The following SEMA5A variants were observed in gnomAD, a reference collection of about 807,000 sequenced individuals.
SEMA5A encodes semaphorin-5A.
In SEMA5A, 55 loss-of-function variants were observed where a neutral mutation model predicts 135.5. The ratio of observed to expected loss-of-function variants is 0.41; its 90% CI spans 0.33 to 0.51. SEMA5A has a LOEUF of 0.51. Among genes scored for constraint, SEMA5A ranks in the 20% least tolerant of loss-of-function variants. The probability of loss-of-function intolerance (pLI) is 0.37; values close to 1 mark genes in which losing one functional copy is unlikely to be tolerated. For synonymous variants in SEMA5A, 580 were observed against 546.5 expected, an observed-to-expected ratio of 1.06 and a Z score of -0.85; for missense variants, 1,290 against 1,419.9, an observed-to-expected ratio of 0.91 and a Z score of 1.47.
In SEMA5A at chr5:9,344,188, A is replaced by C. The variant is rs145417059; in HGVS notation, c.125-6376T>G. ...TATGAGATACTTTTACATATTAACT[A>C]TTTTTATGTTTATAATCTTGTGAAG... On this transcript the variant is annotated intron_variant, in intron 3 of 22. Transcript: ENST00000382496. 7.6e-4 allele frequency among the ~76,000 whole-genome samples: 115 copies of C among 152,312 alleles called. 1 individual carries two copies. The East Asian group carries it at 0.02, about 27-fold the overall frequency.
chr5:9,478,899 T>C (rs1006668976), intron 1 of SEMA5A, among the ~76,000 whole-genome samples: 3 of 152,156 alleles, frequency 2.0e-5, no homozygotes, highest in Admixed American at 1.3e-4. Flanking sequence ...ATGATATGGC[T>C]TGGCTCTGTG....
At chr5:9,080,650 A>T (rs987277278) in intron 16 of SEMA5A, among the ~76,000 whole-genome samples, 2 of 152,206 alleles carry the variant, frequency 1.3e-5, no homozygotes, top group African/African-American at 2.4e-5. Flanking sequence ...AGGGGTAACG[A>T]TGTAGTTTGC....
At chr5:9,071,899 C>T (rs189598432) in intron 16 of SEMA5A, among the ~76,000 whole-genome samples, 65 of 152,278 alleles carry the variant, frequency 4.3e-4, no homozygotes, top group Admixed American at 5.9e-4. Context: ...TTGAATTGTG[C>T]TTGCAAAGAG....
chr5:9,371,769 C>T lies in SEMA5A; in HGVS notation c.124+8054G>A, dbSNP rs186430294. 3.3e-5 allele frequency among the ~76,000 whole-genome samples: 5 copies of T among 152,250 alleles called. No individual in the cohort carries two copies. The East Asian group carries it at 5.8e-4, about 18-fold the overall frequency. The stretch of plus-strand genomic sequence containing the variant: ...GGATATTTAAGGATCCATAACAGCA[C>T]GTTTCCTCCCCAAGTAAACTCTTAA... On this transcript the variant is annotated intron_variant, in intron 3 of 22. Coordinates refer to ENST00000382496, the MANE Select transcript of SEMA5A (RefSeq NM_003966.3).
At chr5:9,110,472 C>T (rs3777246) in intron 15 of SEMA5A, among the ~76,000 whole-genome samples, 17,681 of 152,168 alleles carry the variant, frequency 0.12, 1,586 homozygotes, top group East Asian at 0.32. Context: ...ACCTAGAAAA[C>T]GGCGATGGTG....
At chr5:9,086,097 C>T (rs886925116) in intron 16 of SEMA5A, among the ~76,000 whole-genome samples, 3 of 152,182 alleles carry the variant, frequency 2.0e-5, no homozygotes, top group Admixed American at 6.6e-5. Flanking sequence ...ATCTAGGAAG[C>T]AACTAATTTC....
At chr5:9,246,357 C>T (rs1017788971) in intron 5 of SEMA5A, among the ~76,000 whole-genome samples, 1 of 152,134 alleles carries the variant, frequency 6.6e-6, no homozygotes, top group African/African-American at 2.4e-5. Flanking sequence ...ATTGAATTCC[C>T]AAGGACTGGC....
chr5:9,421,867 C>A (rs1219078910), intron 2 of SEMA5A, among the ~76,000 whole-genome samples: 1 of 152,148 alleles, frequency 6.6e-6, no homozygotes, highest in Admixed American at 6.5e-5. Flanking sequence ...GAATTTTTCT[C>A]ATCAATTTGT....
chr5:9,485,565 C>T (rs1325590374), intron 1 of SEMA5A, among the ~76,000 whole-genome samples: 2 of 152,182 alleles, frequency 1.3e-5, no homozygotes, highest in Non-Finnish European at 2.9e-5. Flanking sequence ...TGCTGCTCCA[C>T]CCTGTGTCAA....
At chr5:9,483,517 A>G (rs1450016186) in intron 1 of SEMA5A, among the ~76,000 whole-genome samples, 1 of 152,234 alleles carries the variant, frequency 6.6e-6, no homozygotes, top group Admixed American at 6.5e-5. Context: ...GGTACTATGC[A>G]TTAGGCATAT....
chr5:9,203,380 CT>C (rs1745828536), intron 8 of SEMA5A, among the ~76,000 whole-genome samples: 1 of 152,160 alleles, frequency 6.6e-6, no homozygotes, highest in Admixed American at 6.5e-5. Flanking sequence ...GGCCTTGTAC[CT>C]TTCCAGATAC....
chr5:9,378,486 G>T (rs1050355769), intron 3 of SEMA5A, among the ~76,000 whole-genome samples: 6 of 152,148 alleles, frequency 3.9e-5, no homozygotes, highest in African/African-American at 1.4e-4. Flanking sequence ...CCATGACACG[G>T]TCAAGACAAA....
chr5:9,205,305 T>C (rs1015658555), intron 8 of SEMA5A, among the ~76,000 whole-genome samples: 2 of 151,994 alleles, frequency 1.3e-5, no homozygotes, highest in African/African-American at 4.8e-5. Context: ...ACAGTTATCA[T>C]GGAAGTCAGG....
chr5:9,064,105 T>A (rs539007919), intron 17 of SEMA5A, among the ~76,000 whole-genome samples: 13 of 152,324 alleles, frequency 8.5e-5, no homozygotes, highest in African/African-American at 3.1e-4. Flanking sequence ...AGAAAATCTG[T>A]TTCTGAAAGG....
intron 5 of SEMA5A, among the ~76,000 whole-genome samples, chr5:9,299,107 C>G (rs1025696881): frequency 8.9e-6 from 1 of 112,510 alleles, no homozygotes; most frequent in Non-Finnish European, 1.9e-5. Context: ...TGATGGTGGG[C>G]ATCACTGTTC....
intron 18 of SEMA5A, among the ~76,000 whole-genome samples, chr5:9,058,747 C>T (rs1737026810): frequency 6.6e-6 from 1 of 152,178 alleles, no homozygotes; most frequent in South Asian, 2.1e-4. Context: ...ATGTGAAGCC[C>T]TTCACTCACA....
chr5:9,542,160 G>A (rs461337), intron 1 of SEMA5A, among the ~76,000 whole-genome samples: 13,377 of 152,030 alleles, frequency 0.088, 939 homozygotes, highest in African/African-American at 0.19. Context: ...TATTTACCAA[G>A]CGTACCCATA....
intron 11 of SEMA5A, among the ~76,000 whole-genome samples, chr5:9,167,713 G>C (rs1743690097): frequency 6.6e-6 from 1 of 152,182 alleles, no homozygotes; most frequent in Non-Finnish European, 1.5e-5. Flanking sequence ...TGTGCTTATG[G>C]AAGGTATTCT....
intron 5 of SEMA5A, among the ~76,000 whole-genome samples, chr5:9,315,321 C>A (rs998307849): frequency 3.9e-5 from 6 of 152,080 alleles, no homozygotes; most frequent in Non-Finnish European, 7.4e-5. Flanking sequence ...GAAATGATAT[C>A]CATTATCCCT....
Sources: gnomAD v4.1 joint callset for allele counts (sites outside exome capture counted in the v4.1 genomes callset) on GRCh38, gnomAD v4.1.1 for gene constraint, MANE v1.5 for transcripts, NCBI Gene and HGNC (gene_info 2026-07-23, HGNC 2026-07-21) for gene names.